The following MTMR2 variants were observed in gnomAD, a reference collection of about 807,000 sequenced individuals.
MTMR2 encodes myotubularin related protein 2.
MTMR2 carries 55 observed loss-of-function variants against 86.9 expected under a neutral mutation model. That is an observed-to-expected ratio of 0.63 (90% confidence interval 0.51 to 0.79). The LOEUF (loss-of-function observed/expected upper bound fraction) is 0.79. Among genes scored for constraint, MTMR2 ranks in the 30% least tolerant of loss-of-function variants. The pLI is 0.00. For missense variants in MTMR2, 659 were observed against 772.3 expected (o/e 0.85, Z 1.74); for synonymous variants, 241 against 266.8 (o/e 0.90, Z 0.94).
At chr11:95,843,146 G>T (rs1222128308) in intron 11 of MTMR2, among the ~76,000 whole-genome samples, 1 of 151,752 alleles carries the variant, frequency 6.6e-6, no homozygotes, top group Non-Finnish European at 1.5e-5. Flanking sequence ...AATATTTGTT[G>T]TCAATGAAAA....
At chr11:95,852,554 T>C (rs1864060499) in intron 7 of MTMR2, among the ~76,000 whole-genome samples, 1 of 152,178 alleles carries the variant, frequency 6.6e-6, no homozygotes, top group Non-Finnish European at 1.5e-5. Context: ...TCCATATAAT[T>C]AGCCTGGTCC....
At chr11:95,882,889 A>ATTTTTTTT (rs776661875) in intron 2 of MTMR2, among the ~76,000 whole-genome samples, 20 of 76,080 alleles carry the variant, frequency 2.6e-4, no homozygotes, top group African/African-American at 4.7e-4. Flanking sequence ...CATCCAGCTA[A>ATTTTTTTT]TTTTTTTTTT....
chr11:95,849,470 T>A (rs953115301), intron 9 of MTMR2, among the ~76,000 whole-genome samples: 1 of 152,162 alleles, frequency 6.6e-6, no homozygotes, highest in Non-Finnish European at 1.5e-5. Context: ...TTAACTATTA[T>A]TATTCTCATT....
intron 1 of MTMR2, among the ~76,000 whole-genome samples, chr11:95,894,817 C>G (rs1865825995): frequency 5.3e-5 from 8 of 151,914 alleles, no homozygotes. Flanking sequence ...AAGACAGTAC[C>G]AAGGGAAGAG....
In MTMR2 at chr11:95,888,205, G is replaced by A; in HGVS notation, c.137C>T (p.Ser46Leu). ...SVHTKSASVV[S>L]SDSISTSADN... ...GGCAGAAGTTGAAATGGAATCTGAT[G>A]ATACAACAGAAGCTGATTTTGTATG... The change falls in exon 2 of 15, where the codon TCA (serine) becomes TTA (leucine). Residue 46 changes from serine to leucine, a missense_variant. By Grantham distance (145) the Ser-to-Leu change is moderately radical. Coordinates refer to ENST00000346299, the MANE Select transcript of MTMR2 (RefSeq NM_016156.6). 6.2e-7 allele frequency: 1 copy of A among 1,613,592 alleles called. No individual in the cohort carries two copies. The highest frequency in any genetic ancestry group is 1.3e-5 in the African/African-American group (1 of 75,004).
At chr11:95,905,267 A>G (rs1385665380) in intron 1 of MTMR2, among the ~76,000 whole-genome samples, 1 of 151,782 alleles carries the variant, frequency 6.6e-6, no homozygotes, top group East Asian at 1.9e-4. Context: ...CCAGCCTCAC[A>G]GTTCTCTGAT....
Position 95,924,054 on chromosome 11 carries a change from G to A in MTMR2, c.-100C>T, listed in dbSNP as rs1673979986. ...GTGCTACGGACCGGGGCCGCAGTCA[G>A]GCCAGCGCCGGCCCGGGAGGGAGAC... On this transcript the variant is annotated 5_prime_UTR_variant, in exon 1 of 15. Coordinates refer to ENST00000346299, the MANE Select transcript of MTMR2 (RefSeq NM_016156.6). 9.0e-6 allele frequency: 13 copies of A among 1,439,516 alleles called. No individual in the cohort carries two copies. Among genetic ancestry groups the A allele is most frequent in the African/African-American group, 1.4e-5 (1 of 71,184 alleles). 89.2% of individuals were successfully genotyped at this position (1,439,516 alleles called of 1,614,324 possible).
At chr11:95,875,259 A>C (rs996840570) in intron 2 of MTMR2, among the ~76,000 whole-genome samples, 21 of 150,850 alleles carry the variant, frequency 1.4e-4, no homozygotes, top group African/African-American at 5.1e-4. Flanking sequence ...TGGTCTTTTC[A>C]CATAGTCCCA....
In MTMR2 at chr11:95,836,161, C is replaced by T. The variant is rs61735576; in HGVS notation, c.1757G>A (p.Arg586Gln). 433 of 1,612,492 alleles carry T rather than the reference C, an allele frequency of 2.7e-4. 4 individuals carry two copies. The African/African-American group carries it at 5.2e-3, about 19-fold the overall frequency. ...WVGYYIRWNP[R>Q]MKPQEPIHNR... is the part of the protein sequence containing the mutation. ...TAAGGCACATACCTGTGGTTTCATC[C>T]GTGGATTCCACCTTATGTAATATCC... is the stretch of plus-strand genomic sequence containing the variant. The change falls in exon 14 of 15, where the codon CGG (arginine) becomes CAG (glutamine). Residue 586 changes from arginine (R) to glutamine (Q), a missense_variant. By Grantham distance (43) the Arg-to-Gln change is conservative. Coordinates refer to ENST00000346299, the MANE Select transcript of MTMR2 (RefSeq NM_016156.6).
intron 2 of MTMR2, among the ~76,000 whole-genome samples, chr11:95,882,669 T>C (rs1200094615): frequency 6.6e-6 from 1 of 151,414 alleles, no homozygotes; most frequent in Non-Finnish European, 1.5e-5. Flanking sequence ...CTTTATCATA[T>C]ACATGTACAT....
intron 9 of MTMR2, among the ~76,000 whole-genome samples, chr11:95,849,151 T>A (rs1441878546): frequency 6.6e-6 from 1 of 152,134 alleles, no homozygotes; most frequent in Non-Finnish European, 1.5e-5. Context: ...AACCAAAATT[T>A]CAATTTCCAC....
intron 2 of MTMR2, among the ~76,000 whole-genome samples, chr11:95,876,688 A>G (rs970071478): frequency 6.6e-6 from 1 of 152,170 alleles, no homozygotes; most frequent in African/African-American, 2.4e-5. Flanking sequence ...TTCCTACTAC[A>G]TAATCAGTTT....
intron 1 of MTMR2, among the ~76,000 whole-genome samples, chr11:95,908,754 C>G (rs1171155127): frequency 6.6e-6 from 1 of 151,988 alleles, no homozygotes; most frequent in South Asian, 2.1e-4. Flanking sequence ...GGACTCTATT[C>G]AATTAATGGT....
At chr11:95,844,223 T>A (rs1412004424) in intron 11 of MTMR2, among the ~76,000 whole-genome samples, 2 of 152,178 alleles carry the variant, frequency 1.3e-5, no homozygotes, top group African/African-American at 4.8e-5. Flanking sequence ...GGCCGTTTCA[T>A]GATAAGTACA....
At position 95,835,309 on chromosome 11, in the gene MTMR2, G is replaced by T; in HGVS notation, c.1913C>A (p.Pro638His). Residue 638 changes from proline to histidine, a missense_variant, in exon 15 of 15, where the codon CCT (proline) becomes CAT (histidine). Physicochemically the swap from Pro to His is moderately conservative, Grantham distance 77 (BLOSUM62 -2). Coordinates refer to ENST00000346299, the MANE Select transcript of MTMR2 (RefSeq NM_016156.6). ...RASSPAQCVT[P>H]VQTVV is the part of the protein sequence containing the mutation. Reference sequence around the variant, plus strand: ...AGTCCTTTATACAACAGTTTGGACAGGAGTGACACACTGTGCAGGAGAGCT... The same window carrying T: ...AGTCCTTTATACAACAGTTTGGACATGAGTGACACACTGTGCAGGAGAGCT... 1 of 1,612,906 alleles carries T rather than the reference G, an allele frequency of 6.2e-7. No individual in the cohort carries two copies. The highest frequency in any genetic ancestry group is 8.5e-7 in the Non-Finnish European group (1 of 1,179,214).
At chr11:95,889,003 G>C (rs1348838884) in intron 1 of MTMR2, among the ~76,000 whole-genome samples, 1 of 152,122 alleles carries the variant, frequency 6.6e-6, no homozygotes, top group Non-Finnish European at 1.5e-5. Flanking sequence ...GAGCAGATGA[G>C]GATGGAAAGA....
At chr11:95,905,328 T>TGCGCGCGCGCGCGCGC (rs201740423) in intron 1 of MTMR2, among the ~76,000 whole-genome samples, 57 of 47,830 alleles carry the variant, frequency 1.2e-3, no homozygotes, top group African/African-American at 3.5e-3. Context: ...CGCACGCACC[T>TGCGCGCGCGCGCGCGC]GCGCACACAC....
At chr11:95,867,837 C>G (rs1334155793) in intron 2 of MTMR2, among the ~76,000 whole-genome samples, 1 of 146,822 alleles carries the variant, frequency 6.8e-6, no homozygotes, top group East Asian at 2.0e-4. Flanking sequence ...AAAAGACTTA[C>G]AAAGAAAAGA....
chr11:95,913,530 T>C (rs568807686), intron 1 of MTMR2, among the ~76,000 whole-genome samples: 1 of 152,192 alleles, frequency 6.6e-6, no homozygotes, highest in African/African-American at 2.4e-5. Context: ...CGCTGAAACC[T>C]AGGAAGTTAA....
Sources: gnomAD v4.1 joint callset for allele counts (sites outside exome capture counted in the v4.1 genomes callset) on GRCh38, gnomAD v4.1.1 for gene constraint, MANE v1.5 for transcripts, NCBI Gene and HGNC (gene_info 2026-07-23, HGNC 2026-07-21) for gene names.